The following PPFIBP1 variants were observed in gnomAD, a reference collection of about 807,000 sequenced individuals.
PPFIBP1 encodes the protein PPFIB scaffold protein 1.
Under a neutral mutation model 137.8 loss-of-function variants are expected in PPFIBP1, and 112 were observed. The ratio of observed to expected loss-of-function variants is 0.81; its 90% CI spans 0.70 to 0.95. The LOEUF is 0.95. PPFIBP1 is among the 40% of genes least tolerant of loss of function. The pLI, the probability that PPFIBP1 is intolerant of heterozygous loss-of-function variation, is 0.00. For missense variants in PPFIBP1, 1,083 were observed against 1,196.6 expected, an observed-to-expected ratio of 0.91 and a Z score of 1.40; for synonymous variants, 378 against 417.3, an observed-to-expected ratio of 0.91 and a Z score of 1.15.
chr12:27,668,076 A>C (rs1284896073), intron 13 of PPFIBP1, among the ~76,000 whole-genome samples: 2 of 152,154 alleles, frequency 1.3e-5, no homozygotes, highest in African/African-American at 4.8e-5. Flanking sequence ...TATTGGTGCA[A>C]CCATATTTGG....
At chr12:27,645,725 G>T (rs898508279) in intron 4 of PPFIBP1, among the ~76,000 whole-genome samples, 10 of 152,308 alleles carry the variant, frequency 6.6e-5, no homozygotes, top group African/African-American at 2.4e-4. Context: ...CAACAACTCG[G>T]GGTGCCCCCT....
intron 24 of PPFIBP1, among the ~76,000 whole-genome samples, chr12:27,683,500 C>T (rs546150646): frequency 2.2e-4 from 33 of 152,224 alleles, no homozygotes; most frequent in Non-Finnish European, 3.7e-4. Flanking sequence ...CTTCTCCTTT[C>T]CACTCTGGAC....
intron 7 of PPFIBP1, among the ~76,000 whole-genome samples, chr12:27,652,838 A>G (rs1282017024): frequency 6.6e-6 from 1 of 152,248 alleles, no homozygotes; most frequent in East Asian, 1.9e-4. Flanking sequence ...ATATTATGCA[A>G]GGATGATTAG....
In PPFIBP1 at chr12:27,581,554, A is replaced by C. The variant is rs182585130; in HGVS notation, c.-36+3315A>C. ...TGAGATAATGTCATCCCCAAAGAAA[A>C]GCATCTACTGTGGATTTGTCCTTTG... On this transcript the variant is annotated intron_variant, in intron 2 of 29. Coordinates refer to ENST00000228425, the MANE Select transcript of PPFIBP1 (RefSeq NM_003622.4). Among the ~76,000 whole-genome samples, 274 of 152,308 alleles carry C rather than the reference A, an allele frequency of 1.8e-3. 2 individuals are homozygous for C. The South Asian group carries it at 0.036, about 20-fold the overall frequency.
In PPFIBP1 at chr12:27,689,211, C is replaced by G. The variant is rs761184217; in HGVS notation, c.2685+8C>G. The G allele has an allele frequency of 7.2e-6, 11 of 1,533,272 alleles. No homozygotes were observed. In the South Asian group the frequency reaches 1.2e-4, roughly 16 times the overall value. 95.0% of individuals were successfully genotyped at this position (1,533,272 alleles called of 1,614,324 possible). ...GCTACTGCCAAAGTGAAGGTTGGTT[C>G]AGGCTCATACGGTTTAATAATTGCT... On this transcript the variant is annotated splice_region_variant and intron_variant, in intron 27 of 29. Transcript: ENST00000228425.
chr12:27,642,600 C>A (rs1255408766), intron 4 of PPFIBP1, among the ~76,000 whole-genome samples: 1 of 152,056 alleles, frequency 6.6e-6, no homozygotes, highest in Non-Finnish European at 1.5e-5. Flanking sequence ...CAGTTTAAGA[C>A]AAGACCCAGA....
chr12:27,682,654 A>C lies in PPFIBP1; in HGVS notation c.2198A>C (p.Gln733Pro), dbSNP rs202011004. Reference sequence around the variant, plus strand: ...ATTGGCCTCCCTCAATATAAGACCCAGTTTGATGAAGGACGGGTTGATGGT... The same window carrying C: ...ATTGGCCTCCCTCAATATAAGACCCCGTTTGATGAAGGACGGGTTGATGGT... ...DDIGLPQYKT[Q>P]FDEGRVDGRM... Residue 733 changes from glutamine to proline, a missense_variant, in exon 24 of 30, where the codon CAG becomes CCG. Gln to Pro is a moderately conservative substitution (Grantham distance 76, BLOSUM62 -1). Coordinates refer to ENST00000228425, the MANE Select transcript of PPFIBP1 (RefSeq NM_003622.4). 1 of 1,614,172 alleles carries C rather than the reference A, an allele frequency of 6.2e-7. No individual in the cohort carries two copies. The highest frequency in any genetic ancestry group is 1.1e-5 in the South Asian group (1 of 91,086).
intron 1 of PPFIBP1, among the ~76,000 whole-genome samples, chr12:27,540,817 T>C (rs1447958360): frequency 6.6e-6 from 1 of 152,246 alleles, no homozygotes; most frequent in Non-Finnish European, 1.5e-5. Flanking sequence ...CATATGACTA[T>C]TGGCTGTTTC....
In PPFIBP1 at chr12:27,682,690, A is replaced by G. The variant is rs777426591; in HGVS notation, c.2234A>G (p.His745Arg). 4 of 1,614,042 alleles carry G rather than the reference A, an allele frequency of 2.5e-6. No individual in the cohort carries two copies. Among genetic ancestry groups the G allele is most frequent in the East Asian group, 2.2e-5 (1 of 44,896 alleles). Residue 745 changes from histidine (H) to arginine (R), a missense_variant, in exon 24 of 30, where the codon CAT (histidine) becomes CGT (arginine). Coordinates refer to ENST00000228425, the MANE Select transcript of PPFIBP1 (RefSeq NM_003622.4). ...DEGRVDGRML[H>R]YMTVDDLLSL... ...GGACGGGTTGATGGTCGAATGCTAC[A>G]TTACATGACTGTTGTAAGTGACTCA... is the stretch of plus-strand genomic sequence containing the variant.
chr12:27,584,490 G>C (rs746208811), intron 2 of PPFIBP1: 3 of 152,366 alleles, frequency 2.0e-5, no homozygotes, highest in South Asian at 2.1e-4. Context: ...GTGAATGAGT[G>C]TGAAGGTACT....
At chr12:27,531,659 A>G (rs1220210098) in intron 1 of PPFIBP1, among the ~76,000 whole-genome samples, 1 of 152,016 alleles carries the variant, frequency 6.6e-6, no homozygotes, top group Admixed American at 6.6e-5. Context: ...ATCTTCAACA[A>G]ATGGTGGCAC....
Position 27,692,842 on chromosome 12 carries a change from C to G in PPFIBP1, c.2978C>G (p.Ser993Cys), listed in dbSNP as rs2061637501. The change falls in exon 30 of 30, where the codon TCC becomes TGC. Residue 993 changes from serine (S) to cysteine (C), a missense_variant. Ser to Cys is a moderately radical substitution (Grantham distance 112). Transcript: ENST00000228425. Reference protein sequence around the residue: ...DDMFKDFAARSPSASITDEDS... With the variant: ...DDMFKDFAARCPSASITDEDS... The stretch of plus-strand genomic sequence containing the variant: ...ATGTTTAAAGATTTTGCTGCCCGTT[C>G]CCCCAGTGCCAGCATTACAGATGAA... 2 of 1,614,004 alleles carry G rather than the reference C, an allele frequency of 1.2e-6. No individual in the cohort carries two copies. The highest frequency in any genetic ancestry group is 1.7e-5 in the Admixed American group (1 of 60,000).
chr12:27,542,093 C>A (rs1945737425), intron 1 of PPFIBP1, among the ~76,000 whole-genome samples: 1 of 152,064 alleles, frequency 6.6e-6, no homozygotes, highest in African/African-American at 2.4e-5. Flanking sequence ...ATATGGTAGA[C>A]CCTCTGGATC....
rs559154109 is a variant in PPFIBP1, at chr12:27,693,885, C to T, written c.*1003C>T. 1.3e-5 allele frequency: 2 copies of T among 152,330 alleles called. No homozygotes were observed. Among genetic ancestry groups the T allele is most frequent in the Admixed American group, 1.3e-4 (2 of 15,300 alleles). The allele number at this position is 152,330 out of a possible 1,614,324, so 9.4% of individuals were successfully genotyped here. ...AGAGACAGGGTTTCACCATATTGGC[C>T]AGGCTGGGACTCGAACTCCTGACCT... On this transcript the variant is annotated 3_prime_UTR_variant, in exon 30 of 30. Coordinates refer to ENST00000228425, the MANE Select transcript of PPFIBP1 (RefSeq NM_003622.4).
chr12:27,683,932 C>G (rs545329014), intron 24 of PPFIBP1, among the ~76,000 whole-genome samples: 8 of 151,460 alleles, frequency 5.3e-5, no homozygotes, highest in Non-Finnish European at 1.2e-4. Context: ...GGACTACAGG[C>G]ACCTGCCACC....
chr12:27,622,805 A>G (rs1227251346), intron 2 of PPFIBP1, among the ~76,000 whole-genome samples: 1 of 152,194 alleles, frequency 6.6e-6, no homozygotes, highest in East Asian at 1.9e-4. Flanking sequence ...AATCAAATCA[A>G]AATTTTCACA....
At chr12:27,571,750 A>G (rs1416985991) in intron 1 of PPFIBP1, among the ~76,000 whole-genome samples, 3 of 152,116 alleles carry the variant, frequency 2.0e-5, no homozygotes, top group Non-Finnish European at 4.4e-5. Context: ...CAAATTTCAC[A>G]TTAGTTCAGA....
At chr12:27,581,107 C>T (rs988054755) in intron 2 of PPFIBP1, among the ~76,000 whole-genome samples, 1 of 152,054 alleles carries the variant, frequency 6.6e-6, no homozygotes, top group Non-Finnish European at 1.5e-5. Context: ...ATTGCCAAGG[C>T]TGGTCTTGAA....
chr12:27,646,835 A>G (rs1439799398), intron 5 of PPFIBP1, among the ~76,000 whole-genome samples: 2 of 152,122 alleles, frequency 1.3e-5, no homozygotes, highest in Non-Finnish European at 2.9e-5. Context: ...CTGAGTGATG[A>G]TTATTGAGGA....
Sources: gnomAD v4.1 joint callset for allele counts (sites outside exome capture counted in the v4.1 genomes callset) on GRCh38, gnomAD v4.1.1 for gene constraint, MANE v1.5 for transcripts, NCBI Gene and HGNC (gene_info 2026-07-23, HGNC 2026-07-21) for gene names.